The following MSH4 variants were observed in gnomAD, a reference collection of about 807,000 sequenced individuals.
The protein encoded by MSH4 is mutS protein homolog 4.
A neutral mutation model predicts 113.7 loss-of-function variants in MSH4; 106 were observed. The ratio of observed to expected loss-of-function variants is 0.93; its 90% CI spans 0.80 to 1.10. MSH4 has a LOEUF of 1.10. Among genes scored for constraint, MSH4 ranks in the 50% least tolerant of loss-of-function variants. The pLI is 0.00. For synonymous variants in MSH4, 368 were observed against 380.2 expected, an observed-to-expected ratio of 0.97 and a Z score of 0.37; for missense variants, 1,061 against 1,093.7, an observed-to-expected ratio of 0.97 and a Z score of 0.42.
intron 8 of MSH4, among the ~76,000 whole-genome samples, chr1:75,852,817 G>T (rs1651217336): frequency 6.6e-6 from 1 of 152,030 alleles, no homozygotes; most frequent in Non-Finnish European, 1.5e-5. Flanking sequence ...TCTGTGGGTT[G>T]TCTTTTCACT....
intron 7 of MSH4, among the ~76,000 whole-genome samples, chr1:75,832,650 G>A (rs916116371): frequency 2.0e-5 from 3 of 151,990 alleles, no homozygotes; most frequent in African/African-American, 4.8e-5. Flanking sequence ...AGCAATATAC[G>A]TAATCCATCA....
At chr1:75,899,571 G>T (rs373456828) in intron 18 of MSH4, 47 bp from the exon 19 acceptor site, 4 of 1,088,454 alleles carry the variant, frequency 3.7e-6, no homozygotes, top group Non-Finnish European at 5.2e-6. Context: ...GCATAAAAAT[G>T]CCAGCAGTAA....
At chr1:75,866,145 A>G (rs1312960428) in intron 8 of MSH4, among the ~76,000 whole-genome samples, 1 of 152,032 alleles carries the variant, frequency 6.6e-6, no homozygotes, top group East Asian at 1.9e-4. Flanking sequence ...CTTCTTCTTC[A>G]GTGGTGTGTT....
At chr1:75,853,051 T>TTTTGTTTG (rs1311862457) in intron 8 of MSH4, among the ~76,000 whole-genome samples, 1 of 143,700 alleles carries the variant, frequency 7.0e-6, no homozygotes, top group African/African-American at 2.6e-5. Context: ...TAGTAACTAT[T>TTTTGTTTG]TTTCTTTGTT....
At chr1:75,863,813 C>T (rs765332476) in intron 8 of MSH4, among the ~76,000 whole-genome samples, 18 of 152,018 alleles carry the variant, frequency 1.2e-4, no homozygotes, top group Non-Finnish European at 1.8e-4. Flanking sequence ...TTCTTTCTAC[C>T]TTCCTGTTTA....
chr1:75,866,805 AC>A (rs1391145401), intron 8 of MSH4, among the ~76,000 whole-genome samples: 2 of 151,634 alleles, frequency 1.3e-5, no homozygotes, highest in African/African-American at 4.8e-5. Flanking sequence ...ACATGGTGAA[AC>A]CCCATCTCTA....
chr1:75,807,212 C>T, intron 3 of MSH4, 71 bp downstream of exon 3: 1 of 1,250,218 alleles, frequency 8.0e-7, no homozygotes, highest in Non-Finnish European at 1.1e-6. Flanking sequence ...CAGTGCCTTC[C>T]CAATTTGTTT....
chr1:75,864,091 A>G (rs187043583), intron 8 of MSH4, among the ~76,000 whole-genome samples: 292 of 152,292 alleles, frequency 1.9e-3, no homozygotes, highest in African/African-American at 6.7e-3. Context: ...GATCTATTAA[A>G]AACTTTATAT....
rs141034868 is a variant in MSH4, at chr1:75,907,294, G to C, written c.2620-5402G>C. ...CTAGGTATAGTATTCTCAGTTTGCA[G>C]TTTTTTTCCCTTCAGCACTTTGAAT... On this transcript the variant is annotated intron_variant, in intron 19 of 19. Transcript: ENST00000263187. Among the ~76,000 whole-genome samples, 496 of 152,024 alleles carry C rather than the reference G, an allele frequency of 3.3e-3. 3 individuals carry two copies. The highest frequency in any genetic ancestry group is 5.7e-3 in the Non-Finnish European group (384 of 67,956).
chr1:75,871,845 A>G (rs1428142121), intron 9 of MSH4, among the ~76,000 whole-genome samples: 1 of 152,232 alleles, frequency 6.6e-6, no homozygotes, highest in Non-Finnish European at 1.5e-5. Flanking sequence ...GTAGAACTGC[A>G]GTAATTACAG....
intron 8 of MSH4, among the ~76,000 whole-genome samples, chr1:75,863,887 A>T (rs2100558418): frequency 6.6e-6 from 1 of 152,328 alleles, no homozygotes; most frequent in East Asian, 1.9e-4. Flanking sequence ...AACTGTACAA[A>T]ATAAAAATGT....
intron 7 of MSH4, among the ~76,000 whole-genome samples, chr1:75,845,546 T>C (rs1603733): frequency 6.5e-4 from 99 of 152,272 alleles, no homozygotes; most frequent in Non-Finnish European, 1.1e-3. Flanking sequence ...CTTCTTTGAC[T>C]CCATATCCCA....
Position 75,854,013 on chromosome 1 carries a change from G to GTATATATATATATATA in MSH4, c.1230+5752_1230+5753insATATATATATATATAT, listed in dbSNP as rs59347058. 3.9e-4 allele frequency among the ~76,000 whole-genome samples: 45 copies of GTATATATATATATATA among 116,854 alleles called. 2 individuals carry two copies. The East Asian group carries it at 5.7e-3, about 15-fold the overall frequency. 76.7% of individuals were successfully genotyped at this position (116,854 alleles called of 152,430 possible). A position where few individuals can be genotyped will look rare whatever the true frequency, so the allele number is the denominator to read the frequency against. The stretch of plus-strand genomic sequence containing the variant: ...ATGGCTAGGGCATAAGTGTGTGTGT[G>GTATATATATATATATA]TATATATATATATATGCATAAATAT... On this transcript the variant is annotated intron_variant, in intron 8 of 19. Transcript: ENST00000263187.
At chr1:75,884,308 C>T (rs1167957447) in intron 15 of MSH4, among the ~76,000 whole-genome samples, 3 of 152,052 alleles carry the variant, frequency 2.0e-5, no homozygotes, top group African/African-American at 7.2e-5. Flanking sequence ...TATACATACA[C>T]ATGTGCATAC....
intron 8 of MSH4, among the ~76,000 whole-genome samples, chr1:75,855,901 G>T (rs545049168): frequency 4.6e-5 from 7 of 152,276 alleles, no homozygotes; most frequent in Admixed American, 4.6e-4. Context: ...CTATAGGAAA[G>T]AATTAATCAT....
intron 17 of MSH4, among the ~76,000 whole-genome samples, chr1:75,895,652 CAT>C (rs1652363582): frequency 2.0e-5 from 3 of 152,000 alleles, no homozygotes; most frequent in African/African-American, 7.3e-5. Context: ...TATAATGTAA[CAT>C]AAGATGTGTT....
Position 75,881,316 on chromosome 1 carries a change from T to C in MSH4, c.1852T>C (p.Ser618Pro), listed in dbSNP as rs755124206. 6.2e-7 allele frequency: 1 copy of C among 1,611,940 alleles called. No homozygotes were observed. Among genetic ancestry groups the C allele is most frequent in the Admixed American group, 1.7e-5 (1 of 59,878 alleles). The part of the protein sequence containing the change: ...HCLYKLSDTV[S>P]MLDMLLSFAH... Reference sequence around the variant, plus strand: ...CTTATATAAACTATCTGACACTGTGTCAATGCTGGATATGCTACTGTCATT... The same window carrying C: ...CTTATATAAACTATCTGACACTGTGCCAATGCTGGATATGCTACTGTCATT... The change falls in exon 14 of 20, where the codon TCA (serine) becomes CCA (proline). Residue 618 changes from serine (S) to proline (P), a missense_variant. Transcript: ENST00000263187.
At chr1:75,879,700 A>T (rs1181088841) in intron 12 of MSH4, among the ~76,000 whole-genome samples, 2 of 152,146 alleles carry the variant, frequency 1.3e-5, no homozygotes, top group Non-Finnish European at 2.9e-5. Flanking sequence ...AAGGGCTGCG[A>T]CAGGGGTCAG....
In MSH4 at chr1:75,831,522, C is replaced by T. The variant is rs532334885; in HGVS notation, c.1162+8941C>T. 8.7e-4 allele frequency among the ~76,000 whole-genome samples: 132 copies of T among 152,244 alleles called. 2 individuals carry two copies. The highest frequency in any genetic ancestry group is 6.8e-3 in the Middle Eastern group (2 of 292). Reference sequence around the variant, plus strand: ...ACATCACACTTATTCCAAAATTGGCCACATAGTTGGAAGTACAGCACTCCT... The same window carrying T: ...ACATCACACTTATTCCAAAATTGGCTACATAGTTGGAAGTACAGCACTCCT... On this transcript the variant is annotated intron_variant, in intron 7 of 19. Coordinates refer to ENST00000263187, the MANE Select transcript of MSH4 (RefSeq NM_002440.4).
Sources: gnomAD v4.1 joint callset for allele counts (sites outside exome capture counted in the v4.1 genomes callset) on GRCh38, gnomAD v4.1.1 for gene constraint, MANE v1.5 for transcripts, NCBI Gene and HGNC (gene_info 2026-07-23, HGNC 2026-07-21) for gene names.